The following KAZN variants were observed in gnomAD, a reference collection of about 807,000 sequenced individuals.
The protein encoded by KAZN is kazrin, periplakin interacting protein.
A neutral mutation model predicts 87.4 loss-of-function variants in KAZN; 40 were observed. That is an observed-to-expected ratio of 0.46 (90% CI 0.36 to 0.60). KAZN has a LOEUF of 0.60. Ranked by LOEUF, KAZN falls within the 20% of genes least tolerant of loss-of-function variation. The probability of loss-of-function intolerance (pLI) is 0.00; values close to 1 mark genes in which losing one functional copy is unlikely to be tolerated. For synonymous variants in KAZN, 466 were observed against 458.3 expected (o/e 1.02, Z -0.22); for missense variants, 898 against 1,073.9 (o/e 0.84, Z 2.29).
At chr1:14,113,901 C>A (rs1277657111) in intron 1 of KAZN, among the ~76,000 whole-genome samples, 1 of 152,176 alleles carries the variant, frequency 6.6e-6, no homozygotes, top group African/African-American at 2.4e-5. Context: ...TGGCCAGTGA[C>A]CTGTGTGTGG....
intron 2 of KAZN, among the ~76,000 whole-genome samples, chr1:14,538,866 C>T (rs1672649430): frequency 1.3e-5 from 2 of 152,200 alleles, no homozygotes; most frequent in African/African-American, 4.8e-5. Context: ...ACAGCATCCA[C>T]CACCATTCAC....
intron 1 of KAZN, among the ~76,000 whole-genome samples, chr1:14,052,036 C>T (rs1173637112): frequency 6.6e-6 from 1 of 152,168 alleles, no homozygotes; most frequent in Non-Finnish European, 1.5e-5. Context: ...GCTGCTTCAC[C>T]GTGTGGTTTG....
intron 1 of KAZN, among the ~76,000 whole-genome samples, chr1:14,838,302 G>C (rs563106529): frequency 6.6e-5 from 10 of 152,282 alleles, no homozygotes; most frequent in African/African-American, 1.9e-4. Flanking sequence ...CTATCACATT[G>C]ATAAGTTTCA....
chr1:14,765,265 A>G (rs1442470225), intron 1 of KAZN, among the ~76,000 whole-genome samples: 1 of 152,212 alleles, frequency 6.6e-6, no homozygotes, highest in Non-Finnish European at 1.5e-5. Flanking sequence ...CTCCTTGGAG[A>G]CAAGGTCACC....
intron 2 of KAZN, among the ~76,000 whole-genome samples, chr1:14,190,619 A>T (rs959729833): frequency 1.3e-5 from 2 of 152,024 alleles, no homozygotes; most frequent in Admixed American, 6.5e-5. Flanking sequence ...CGCTTTAGAG[A>T]CTAGACACCA....
intron 2 of KAZN, among the ~76,000 whole-genome samples, chr1:14,569,797 C>T (rs1375956384): frequency 2.0e-5 from 3 of 151,902 alleles, no homozygotes; most frequent in Non-Finnish European, 4.4e-5. Flanking sequence ...GAGCTGAATC[C>T]TTAAATCAGT....
chr1:14,413,360 G>A (rs1347486135), intron 2 of KAZN, among the ~76,000 whole-genome samples: 1 of 151,952 alleles, frequency 6.6e-6, no homozygotes, highest in East Asian at 1.9e-4. Context: ...AGAGGCTGAG[G>A]CGGGCGGATC....
intron 2 of KAZN, among the ~76,000 whole-genome samples, chr1:14,977,414 G>C (rs566915773): frequency 6.6e-6 from 1 of 152,184 alleles, no homozygotes; most frequent in Non-Finnish European, 1.5e-5. Flanking sequence ...CCCAGATTCC[G>C]GAAGGTCAAC....
intron 2 of KAZN, among the ~76,000 whole-genome samples, chr1:14,468,923 CT>C (rs1282732163): frequency 6.6e-6 from 1 of 152,200 alleles, no homozygotes; most frequent in East Asian, 1.9e-4. Flanking sequence ...AATTTTCAGT[CT>C]TTGGCTTCAT....
chr1:13,929,782 A>G (rs1236918157), intron 1 of KAZN, among the ~76,000 whole-genome samples: 1 of 152,228 alleles, frequency 6.6e-6, no homozygotes, highest in East Asian at 1.9e-4. Context: ...GAATTAAACT[A>G]ACAGGTAGAA....
At chr1:14,246,018 A>G (rs907359646) in intron 2 of KAZN, among the ~76,000 whole-genome samples, 4 of 152,240 alleles carry the variant, frequency 2.6e-5, no homozygotes, top group African/African-American at 9.6e-5. Flanking sequence ...GAACAGGATC[A>G]TATTCTTTGC....
intron 8 of KAZN, among the ~76,000 whole-genome samples, chr1:15,093,036 C>T (rs1350426535): frequency 6.6e-6 from 1 of 151,876 alleles, no homozygotes; most frequent in South Asian, 2.1e-4. Flanking sequence ...TGCCCAAAGA[C>T]GACTGCCGCT....
intron 2 of KAZN, among the ~76,000 whole-genome samples, chr1:14,478,274 A>AAGAAAGG (rs1553178148): frequency 1.8e-5 from 2 of 111,404 alleles, no homozygotes; most frequent in South Asian, 2.8e-4. Flanking sequence ...AGGAAGGAAG[A>AAGAAAGG]AAGGAAGGAA....
intron 1 of KAZN, among the ~76,000 whole-genome samples, chr1:14,755,361 C>A (rs1644532833): frequency 6.6e-6 from 1 of 152,180 alleles, no homozygotes; most frequent in South Asian, 2.1e-4. Flanking sequence ...CCCCACTCCA[C>A]CCCAGAGGAT....
At chr1:14,400,898 C>T (rs1054781300) in intron 2 of KAZN, among the ~76,000 whole-genome samples, 1 of 152,170 alleles carries the variant, frequency 6.6e-6, no homozygotes, top group Admixed American at 6.5e-5. Context: ...TGTGTATGTG[C>T]ATGGGTGTGT....
At chr1:14,532,670 C>T (rs1402741005) in intron 2 of KAZN, among the ~76,000 whole-genome samples, 1 of 134,456 alleles carries the variant, frequency 7.4e-6, no homozygotes, top group Non-Finnish European at 1.5e-5. Context: ...CTTCCTGTGT[C>T]CATGTGTTCT....
intron 4 of KAZN, among the ~76,000 whole-genome samples, chr1:15,046,097 A>T (rs1673462524): frequency 6.6e-6 from 1 of 152,214 alleles, no homozygotes. Context: ...CAGGAGTTCG[A>T]GACCAGCCTG....
rs540904185 is a variant in KAZN at position 14,002,259 on chromosome 1, A to G, written c.91+108503A>G. Among the ~76,000 whole-genome samples the G allele has an allele frequency of 3.9e-5, 6 of 152,348 alleles. No homozygotes were observed. The South Asian group carries it at 1.0e-3, about 26-fold the overall frequency. ...ACAAACATATGAAAAAAAGCTCAAC[A>G]TCACTGATTGATATGGTTTGGCTGT... On this transcript the variant is annotated intron_variant, in intron 1 of 16. Transcript: ENST00000636203.
chr1:14,375,532 A>G (rs1395810493), intron 2 of KAZN, among the ~76,000 whole-genome samples: 1 of 152,194 alleles, frequency 6.6e-6, no homozygotes, highest in Non-Finnish European at 1.5e-5. Flanking sequence ...GCCCACTAAG[A>G]TTAAACCAAT....
Sources: gnomAD v4.1 joint callset for allele counts (sites outside exome capture counted in the v4.1 genomes callset) on GRCh38, gnomAD v4.1.1 for gene constraint, MANE v1.5 for transcripts, NCBI Gene and HGNC (gene_info 2026-07-23, HGNC 2026-07-21) for gene names.